The following CUX1 variants were observed in gnomAD, a reference collection of about 807,000 sequenced individuals.
CUX1 encodes cut like homeobox 1.
Under a neutral mutation model 158.8 loss-of-function variants are expected in CUX1, and 31 were observed. That is an observed-to-expected ratio of 0.20 (90% CI 0.15 to 0.26). The LOEUF is 0.26. Ranked by LOEUF, CUX1 falls within the 10% of genes least tolerant of loss-of-function variation. CUX1 has a pLI of 1.00. For missense variants in CUX1, 1,589 were observed against 2,014.6 expected (o/e 0.79, Z 4.04); for synonymous variants, 879 against 862.1 (o/e 1.02, Z -0.34).
intron 1 of CUX1, among the ~76,000 whole-genome samples, chr7:101,858,064 AGTGAGCCAAG>A (rs891607032): frequency 8.0e-4 from 122 of 152,244 alleles, no homozygotes; most frequent in African/African-American, 1.9e-3. Flanking sequence ...CGGAGGTTAC[AGTGAGCCAAG>A]ATGGTGCCAC....
At chr7:101,953,729 C>T (rs1333950760) in intron 2 of CUX1, among the ~76,000 whole-genome samples, 2 of 151,958 alleles carry the variant, frequency 1.3e-5, no homozygotes, top group African/African-American at 2.4e-5. Flanking sequence ...AGGACACAGT[C>T]GGGCCTGGCG....
intron 4 of CUX1, among the ~76,000 whole-genome samples, chr7:102,083,184 G>A (rs1230768806): frequency 1.4e-5 from 2 of 147,356 alleles, no homozygotes; most frequent in East Asian, 3.8e-4. Context: ...GACATTCCTA[G>A]TGAATGCGTA....
chr7:101,907,133 T>G (rs567988723), intron 1 of CUX1, among the ~76,000 whole-genome samples: 1 of 152,332 alleles, frequency 6.6e-6, no homozygotes, highest in South Asian at 2.1e-4. Context: ...GACCTGGTTC[T>G]CAAACTTATG....
At chr7:102,102,398 T>C (rs1215342417) in intron 5 of CUX1, among the ~76,000 whole-genome samples, 1 of 118,206 alleles carries the variant, frequency 8.5e-6, no homozygotes, top group East Asian at 2.3e-4. Context: ...CATGTCAGTC[T>C]GGGCCACTGA....
At chr7:102,034,904 A>T (rs1373667563) in intron 3 of CUX1, among the ~76,000 whole-genome samples, 1 of 152,098 alleles carries the variant, frequency 6.6e-6, no homozygotes, top group African/African-American at 2.4e-5. Flanking sequence ...ACCGCACTCT[A>T]GCCTGGGCAA....
At chr7:102,174,971 CAGAT>C (rs1283564132) in intron 10 of CUX1, among the ~76,000 whole-genome samples, 7 of 152,086 alleles carry the variant, frequency 4.6e-5, no homozygotes, top group South Asian at 2.1e-4. Context: ...ACAAAAAAAA[CAGAT>C]AGAGGGAGGA....
At chr7:102,144,267 C>G (rs1372049340) in intron 8 of CUX1, among the ~76,000 whole-genome samples, 1 of 152,118 alleles carries the variant, frequency 6.6e-6, no homozygotes, top group Non-Finnish European at 1.5e-5. Context: ...TGGAGGGATA[C>G]CTGACTACTG....
intron 1 of CUX1, among the ~76,000 whole-genome samples, chr7:101,829,028 A>G (rs1562896298): frequency 6.6e-6 from 1 of 152,112 alleles, no homozygotes. Flanking sequence ...AGGTCAGTGG[A>G]AAAGTGGGTG....
chr7:101,901,797 G>C (rs1270337822), intron 1 of CUX1, among the ~76,000 whole-genome samples: 1 of 152,218 alleles, frequency 6.6e-6, no homozygotes, highest in Non-Finnish European at 1.5e-5. Context: ...ACAGGCCCGC[G>C]GGTGGCTTCC....
intron 18 of CUX1, among the ~76,000 whole-genome samples, chr7:102,202,463 C>G (rs1476366362): frequency 2.0e-5 from 3 of 152,158 alleles, no homozygotes; most frequent in African/African-American, 7.2e-5. Flanking sequence ...TCACTTGGCG[C>G]TGGGAAGTGG....
In CUX1 at chr7:102,218,205, G is replaced by A. The variant is rs189812830; in HGVS notation, c.3131-9162G>A. 3.4e-3 allele frequency among the ~76,000 whole-genome samples: 513 copies of A among 152,276 alleles called. 6 individuals are homozygous for A. Among genetic ancestry groups the A allele is most frequent in the African/African-American group, 0.012 (485 of 41,546 alleles). ...ACCTGCTTAGTGACTTCGGCCTCCC[G>A]CTTTGGTTACAAGATGTGGGGGCGC... On this transcript the variant is annotated intron_variant, in intron 20 of 23. Transcript: ENST00000292535.
At chr7:101,983,484 A>G (rs1283981555) in intron 2 of CUX1, among the ~76,000 whole-genome samples, 1 of 152,162 alleles carries the variant, frequency 6.6e-6, no homozygotes, top group Non-Finnish European at 1.5e-5. Context: ...GTGAACAATT[A>G]TGTGTGAGTC....
intron 12 of CUX1, among the ~76,000 whole-genome samples, chr7:102,191,545 C>T (rs1397628810): frequency 2.0e-5 from 3 of 152,194 alleles, no homozygotes; most frequent in Admixed American, 6.5e-5. Context: ...GGTTAACCTT[C>T]TCTACCTGCC....
intron 1 of CUX1, among the ~76,000 whole-genome samples, chr7:101,915,647 G>A (rs1290891626): frequency 1.3e-5 from 2 of 152,172 alleles, no homozygotes; most frequent in Non-Finnish European, 2.9e-5. Flanking sequence ...CAGCATTGAA[G>A]GACGGCCACA....
chr7:102,143,256 G>C (rs1834655921), intron 8 of CUX1, among the ~76,000 whole-genome samples: 1 of 152,064 alleles, frequency 6.6e-6, no homozygotes, highest in African/African-American at 2.4e-5. Flanking sequence ...CCCATTCTCT[G>C]TTCTTGGCTA....
At chr7:102,094,836 G>A (rs1406649233) in intron 4 of CUX1, among the ~76,000 whole-genome samples, 2 of 152,156 alleles carry the variant, frequency 1.3e-5, no homozygotes, top group Admixed American at 6.6e-5. Context: ...CATTTGCCCA[G>A]CACAAGGTCG....
rs1465883971 is a variant in CUX1, at chr7:102,250,454, G to T, written c.*1412G>T. The T allele has an allele frequency of 6.1e-6, 6 of 985,314 alleles. No homozygotes were observed. The highest frequency in any genetic ancestry group is 1.7e-5 in the African/African-American group (1 of 57,218). The allele number at this position is 985,314 out of a possible 1,614,324, so 61.0% of individuals were successfully genotyped here. On this transcript the variant is annotated 3_prime_UTR_variant, in exon 24 of 24. Coordinates refer to ENST00000292535, the MANE Select transcript of CUX1 (RefSeq NM_181552.4). The stretch of plus-strand genomic sequence containing the variant: ...CCAGGCCTGGGCAGGGCTTACACGC[G>T]CACTCTCTCTCTTCTTTCCCTTTTT...
chr7:101,874,984 C>T (rs766088494), intron 1 of CUX1, among the ~76,000 whole-genome samples: 3 of 152,128 alleles, frequency 2.0e-5, no homozygotes, highest in Non-Finnish European at 2.9e-5. Flanking sequence ...GGACCCACCG[C>T]GCGCTGGCCG....
At chr7:102,242,113 G>C (rs1800290126) in intron 23 of CUX1, among the ~76,000 whole-genome samples, 2 of 151,884 alleles carry the variant, frequency 1.3e-5, no homozygotes, top group South Asian at 4.1e-4. Flanking sequence ...TAATGAAGCA[G>C]AATGAAGGAA....
Sources: gnomAD v4.1 joint callset for allele counts (sites outside exome capture counted in the v4.1 genomes callset) on GRCh38, gnomAD v4.1.1 for gene constraint, MANE v1.5 for transcripts, NCBI Gene and HGNC (gene_info 2026-07-23, HGNC 2026-07-21) for gene names.